The following TBC1D5 variants were observed in gnomAD, a reference collection of about 807,000 sequenced individuals.
TBC1D5 encodes TBC1 domain family member 5, also known as TBC1 domain family, member 5.
Under a neutral mutation model 100.3 loss-of-function variants are expected in TBC1D5, and 75 were observed. The observed-to-expected ratio is 0.75, with a 90% CI of 0.62 to 0.91. The LOEUF (loss-of-function observed/expected upper bound fraction) is 0.91, where lower values mean the gene tolerates loss of function less well. TBC1D5 is among the 40% of genes least tolerant of loss of function. TBC1D5 has a pLI of 0.00. For synonymous variants in TBC1D5, 323 were observed against 325.6 expected, an observed-to-expected ratio of 0.99 and a Z score of 0.09; for missense variants, 910 against 942.4, an observed-to-expected ratio of 0.97 and a Z score of 0.45.
At chr3:17,698,601 C>A (rs1232785023) in intron 1 of TBC1D5, among the ~76,000 whole-genome samples, 2 of 147,062 alleles carry the variant, frequency 1.4e-5, no homozygotes, top group African/African-American at 5.0e-5. Context: ...TCAGAGTGAA[C>A]AGGCAACCTA....
At chr3:17,177,548 A>C (rs556561951) in intron 19 of TBC1D5, among the ~76,000 whole-genome samples, 38 of 152,324 alleles carry the variant, frequency 2.5e-4, no homozygotes, top group Non-Finnish European at 5.0e-4. Flanking sequence ...GGTTATGAAT[A>C]TGTTAACATG....
At chr3:17,273,047 T>C (rs2079593049) in intron 15 of TBC1D5, among the ~76,000 whole-genome samples, 1 of 152,176 alleles carries the variant, frequency 6.6e-6, no homozygotes, top group South Asian at 2.1e-4. Flanking sequence ...TATGTCACTG[T>C]TTCATTCTGA....
chr3:17,537,388 A>G (rs1008736698), intron 2 of TBC1D5, among the ~76,000 whole-genome samples: 3 of 152,208 alleles, frequency 2.0e-5, no homozygotes, highest in Non-Finnish European at 4.4e-5. Context: ...CCTAAACTCC[A>G]TAAGGGAGGA....
At chr3:17,605,217 G>A (rs922885783) in intron 2 of TBC1D5, among the ~76,000 whole-genome samples, 5 of 151,482 alleles carry the variant, frequency 3.3e-5, no homozygotes, top group African/African-American at 1.2e-4. Flanking sequence ...CATCAACATG[G>A]TTTTTTTTTA....
intron 15 of TBC1D5, among the ~76,000 whole-genome samples, chr3:17,290,572 G>T (rs1320744804): frequency 1.3e-5 from 2 of 152,144 alleles, no homozygotes; most frequent in South Asian, 2.1e-4. Context: ...GATAGAATTT[G>T]CCCTAAGTCT....
chr3:17,701,594 C>T (rs544328532), intron 1 of TBC1D5, among the ~76,000 whole-genome samples: 1 of 152,100 alleles, frequency 6.6e-6, no homozygotes, highest in East Asian at 1.9e-4. Context: ...AAGATAGCGC[C>T]ACTGCACTCC....
At chr3:17,444,032 T>C (rs181786316) in intron 3 of TBC1D5, among the ~76,000 whole-genome samples, 35 of 152,248 alleles carry the variant, frequency 2.3e-4, no homozygotes, top group African/African-American at 5.1e-4. Context: ...ATGAGCTACA[T>C]TGAAATACAG....
chr3:17,365,413 C>T (rs1229229371), intron 13 of TBC1D5, among the ~76,000 whole-genome samples: 1 of 152,086 alleles, frequency 6.6e-6, no homozygotes, highest in African/African-American at 2.4e-5. Flanking sequence ...ATCAATTAAC[C>T]CTTTGTAGGT....
At chr3:17,423,370 T>C (rs13317478) in intron 4 of TBC1D5, among the ~76,000 whole-genome samples, 44,435 of 152,022 alleles carry the variant, frequency 0.29, 6,927 homozygotes, top group Middle Eastern at 0.38. Context: ...TTTTTAAGTC[T>C]CAAGTCACTC....
chr3:17,481,684 A>C (rs1368503874), intron 3 of TBC1D5, among the ~76,000 whole-genome samples: 1 of 152,266 alleles, frequency 6.6e-6, no homozygotes, highest in South Asian at 2.1e-4. Flanking sequence ...ATATGCTATA[A>C]GCCTTAAAAA....
At chr3:17,489,450 A>G (rs2095611089) in intron 3 of TBC1D5, among the ~76,000 whole-genome samples, 1 of 152,036 alleles carries the variant, frequency 6.6e-6, no homozygotes, top group South Asian at 2.1e-4. Context: ...TGAAATCTGT[A>G]TATTCTTCAA....
At chr3:17,496,151 T>C (rs1005112478) in intron 3 of TBC1D5, among the ~76,000 whole-genome samples, 1 of 152,236 alleles carries the variant, frequency 6.6e-6, no homozygotes, top group Non-Finnish European at 1.5e-5. Flanking sequence ...AATGCATTAT[T>C]ACATTTTTCT....
At chr3:17,275,339 G>C (rs1269207392) in intron 15 of TBC1D5, among the ~76,000 whole-genome samples, 1 of 152,052 alleles carries the variant, frequency 6.6e-6, no homozygotes, top group East Asian at 1.9e-4. Flanking sequence ...GTCAGTTTGA[G>C]ACCTGCCTAA....
chr3:17,248,655 C>T (rs532299983), intron 16 of TBC1D5, among the ~76,000 whole-genome samples: 4 of 152,168 alleles, frequency 2.6e-5, no homozygotes, highest in Non-Finnish European at 5.9e-5. Flanking sequence ...CTTGGGTGAC[C>T]AGGTGCATTG....
At chr3:17,486,461 G>T (rs1034550312) in intron 3 of TBC1D5, among the ~76,000 whole-genome samples, 8 of 151,954 alleles carry the variant, frequency 5.3e-5, no homozygotes, top group African/African-American at 1.7e-4. Context: ...CTAGGGTTTT[G>T]ATGGTTTTAG....
chr3:17,176,168 T>C (rs1013947220), intron 19 of TBC1D5, among the ~76,000 whole-genome samples: 3 of 152,194 alleles, frequency 2.0e-5, no homozygotes, highest in African/African-American at 7.2e-5. Context: ...ATGCAGAGCA[T>C]GCTAAGTCAC....
Position 17,251,006 on chromosome 3 carries a change from C to A in TBC1D5, c.1331+7500G>T, listed in dbSNP as rs571192162. Among the ~76,000 whole-genome samples, 524 of 152,288 alleles carry A rather than the reference C, an allele frequency of 3.4e-3. 4 individuals carry two copies. Among genetic ancestry groups the A allele is most frequent in the African/African-American group, 0.011 (477 of 41,554 alleles). ...CAAAAAGTTTCAGCTTTCTTATTAG[C>A]ACCTTTCCTATTAGCAAATTAATAA... On this transcript the variant is annotated intron_variant, in intron 16 of 21. Transcript: ENST00000253692.
intron 18 of TBC1D5, among the ~76,000 whole-genome samples, chr3:17,211,417 G>A (rs969284143): frequency 2.6e-5 from 4 of 152,202 alleles, no homozygotes; most frequent in Non-Finnish European, 4.4e-5. Flanking sequence ...TTCCAGTAGG[G>A]TGGTTCACAT....
intron 1 of TBC1D5, among the ~76,000 whole-genome samples, chr3:17,676,428 G>T (rs1290426092): frequency 6.6e-6 from 1 of 152,024 alleles, no homozygotes; most frequent in East Asian, 1.9e-4. Flanking sequence ...AAAATACCTA[G>T]GAATCCAACT....
Sources: allele counts gnomAD v4.1 joint callset (sites outside exome capture counted in the v4.1 genomes callset), GRCh38; gene constraint gnomAD v4.1.1; transcripts MANE v1.5; gene names NCBI Gene and HGNC (gene_info 2026-07-23, HGNC 2026-07-21).